Variants in KCNS3 observed in about 807,000 individuals in gnomAD.
KCNS3 encodes potassium voltage-gated channel modifier subfamily S member 3, also known as delayed-rectifier potassium channel regulatory subunit KCNS3.
In KCNS3, 13 loss-of-function variants were observed where a neutral mutation model predicts 31.0. The ratio of observed to expected loss-of-function variants is 0.42; its 90% CI spans 0.27 to 0.67. The LOEUF (loss-of-function observed/expected upper bound fraction) is 0.67, where lower values mean the gene tolerates loss of function less well. Among genes scored for constraint, KCNS3 ranks in the 30% least tolerant of loss-of-function variants. The pLI is 0.25. For missense variants in KCNS3, 545 were observed against 622.4 expected (o/e 0.88, Z 1.32); for synonymous variants, 238 against 241.5 (o/e 0.99, Z 0.13).
intron 1 of KCNS3, among the ~76,000 whole-genome samples, chr2:17,910,461 A>G (rs749453610): frequency 2.0e-5 from 3 of 152,088 alleles, no homozygotes; most frequent in Admixed American, 6.5e-5. Context: ...CCCTACTCTA[A>G]CTCTTAGGTG....
chr2:17,895,120 G>A (rs1661992580), intron 1 of KCNS3, among the ~76,000 whole-genome samples: 3 of 152,122 alleles, frequency 2.0e-5, no homozygotes, highest in South Asian at 2.1e-4. Flanking sequence ...GGATGTTTGT[G>A]AAGCATAAAC....
intron 1 of KCNS3, among the ~76,000 whole-genome samples, chr2:17,889,923 G>A (rs1661805428): frequency 2.0e-5 from 3 of 152,054 alleles, no homozygotes; most frequent in Non-Finnish European, 4.4e-5. Flanking sequence ...TTGGTATTAG[G>A]GTGATCCTTG....
At position 17,932,767 on chromosome 2, in the gene KCNS3, T is replaced by C. The variant is rs1663033791; in HGVS notation, c.*283T>C. ...TTGGGTGGGGTTTGTGGCTACAGCTTATGCATCATTCTGTGTTTGTCATTT... is the reference window on the plus strand; with the variant it reads ...TTGGGTGGGGTTTGTGGCTACAGCTCATGCATCATTCTGTGTTTGTCATTT... On this transcript the variant is annotated 3_prime_UTR_variant, in exon 3 of 3. Coordinates refer to ENST00000304101, the MANE Select transcript of KCNS3 (RefSeq NM_002252.5). 6.5e-6 allele frequency: 2 copies of C among 310,002 alleles called. No homozygotes were observed. Among genetic ancestry groups the C allele is most frequent in the Non-Finnish European group, 1.2e-5 (2 of 160,122 alleles). The allele number at this position is 310,002 out of a possible 1,614,324, so 19.2% of individuals were successfully genotyped here.
intron 1 of KCNS3, among the ~76,000 whole-genome samples, chr2:17,879,726 T>C (rs1674596670): frequency 6.6e-6 from 1 of 152,162 alleles, no homozygotes; most frequent in African/African-American, 2.4e-5. Context: ...GGAGCACCTT[T>C]TGCATTCTTG....
intron 2 of KCNS3, among the ~76,000 whole-genome samples, chr2:17,928,708 C>T (rs923129066): frequency 2.0e-5 from 3 of 151,134 alleles, no homozygotes; most frequent in African/African-American, 7.3e-5. Flanking sequence ...CTCTTGCAGA[C>T]AACCTTGCCT....
At chr2:17,884,563 G>A (rs1040250002) in intron 1 of KCNS3, among the ~76,000 whole-genome samples, 62 of 152,010 alleles carry the variant, frequency 4.1e-4, no homozygotes, top group African/African-American at 1.4e-3. Context: ...AAGTGAGATT[G>A]GCCTGGGTTG....
chr2:17,913,041 T>C (rs188193204), intron 1 of KCNS3, among the ~76,000 whole-genome samples: 31 of 152,360 alleles, frequency 2.0e-4, no homozygotes, highest in Admixed American at 1.8e-3. Context: ...TTGATTCTGA[T>C]TGCTTTGGAT....
Position 17,932,348 on chromosome 2 carries a change from G to A in KCNS3, c.1340G>A (p.Arg447Gln), listed in dbSNP as rs78213799. ...YFNIRDIYAQ[R>Q]MHTFITSLSS... Reference sequence around the variant, plus strand: ...AACATTAGGGATATATATGCACAGCGGATGCACACCTTCATTACCAGTCTC... The same window carrying A: ...AACATTAGGGATATATATGCACAGCAGATGCACACCTTCATTACCAGTCTC... Residue 447 changes from arginine to glutamine, a missense_variant, in exon 3 of 3, where the codon CGG (arginine) becomes CAG (glutamine). Transcript: ENST00000304101. The A allele has an allele frequency of 2.1e-4, 333 of 1,614,032 alleles. No homozygotes were observed. Among genetic ancestry groups the A allele is most frequent in the East Asian group, 5.8e-4 (26 of 44,876 alleles).
intron 1 of KCNS3, among the ~76,000 whole-genome samples, chr2:17,898,930 T>C (rs941146756): frequency 6.6e-6 from 1 of 151,976 alleles, no homozygotes; most frequent in African/African-American, 2.4e-5. Flanking sequence ...CAATACTTAG[T>C]GAAAAAATAA....
intron 1 of KCNS3, among the ~76,000 whole-genome samples, chr2:17,901,501 T>C (rs1485478048): frequency 6.6e-6 from 1 of 152,148 alleles, no homozygotes. Context: ...AGGGAAAATG[T>C]GGATGTGCTT....
rs560311752 is a variant in KCNS3, at chr2:17,904,152, T to G, written c.-251-13528T>G. Among the ~76,000 whole-genome samples, 3 of 152,378 alleles carry G rather than the reference T, an allele frequency of 2.0e-5. No homozygotes were observed. The South Asian group carries it at 6.2e-4, about 32-fold the overall frequency. On this transcript the variant is annotated intron_variant, in intron 1 of 2. Coordinates refer to ENST00000304101, the MANE Select transcript of KCNS3 (RefSeq NM_002252.5). ...CTGAACTTTTTAATGATTGCCATTG[T>G]AACTGGTGTGAGATGGTATCTCATT...
chr2:17,882,214 G>C (rs1470733257), intron 1 of KCNS3, among the ~76,000 whole-genome samples: 1 of 152,136 alleles, frequency 6.6e-6, no homozygotes. Flanking sequence ...AGTGAGACAA[G>C]ATAGAACAAT....
chr2:17,897,558 G>A (rs1372432212), intron 1 of KCNS3, among the ~76,000 whole-genome samples: 1 of 152,166 alleles, frequency 6.6e-6, no homozygotes, highest in Non-Finnish European at 1.5e-5. Flanking sequence ...CGGTGATGAT[G>A]AGCATTTTTT....
Position 17,931,405 on chromosome 2 carries a change from T to C in KCNS3, c.397T>C (p.Trp133Arg). 6.2e-7 allele frequency: 1 copy of C among 1,614,136 alleles called. No individual in the cohort carries two copies. The highest frequency in any genetic ancestry group is 8.5e-7 in the Non-Finnish European group (1 of 1,180,002). Residue 133 changes from tryptophan to arginine, a missense_variant, in exon 3 of 3, where the codon TGG becomes CGG. Trp to Arg is a moderately radical substitution (Grantham distance 101). Transcript: ENST00000304101. The surrounding 1 kb of genome is among the most constrained non-coding windows in gnomAD (Gnocchi z 5.4). ...ERKEENHEKD[W>R]DQKSHDVSTD... ...CAAGGAGGAAAACCACGAGAAGGAC[T>C]GGGACCAGAAAAGCCATGATGTGAG...
chr2:17,907,158 A>T (rs1027305234), intron 1 of KCNS3, among the ~76,000 whole-genome samples: 28 of 151,886 alleles, frequency 1.8e-4, no homozygotes, highest in Admixed American at 1.4e-3. Context: ...TTGGGTGCAT[A>T]TATATTTAAG....
In KCNS3 at chr2:17,931,193, T is replaced by C; in HGVS notation, c.185T>C (p.Val62Ala). The C allele has an allele frequency of 6.2e-7, 1 of 1,614,104 alleles. No individual in the cohort carries two copies. Among genetic ancestry groups the C allele is most frequent in the Non-Finnish European group, 8.5e-7 (1 of 1,180,000 alleles). ...AILELCDDYS[V>A]ADKEYYFDRN... is the part of the protein sequence containing the mutation. ...CTGGAGCTGTGTGATGATTACAGTGTGGCCGATAAGGAGTACTACTTTGAT... is the reference window on the plus strand; with the variant it reads ...CTGGAGCTGTGTGATGATTACAGTGCGGCCGATAAGGAGTACTACTTTGAT... The change falls in exon 3 of 3, where the codon GTG (valine) becomes GCG (alanine). Residue 62 changes from valine to alanine, a missense_variant. Transcript: ENST00000304101. This position sits in a 1 kb window ranked among gnomAD's most constrained non-coding sequence, Gnocchi z 5.4.
chr2:17,888,317 T>C (rs1039389355), intron 1 of KCNS3, among the ~76,000 whole-genome samples: 2 of 152,096 alleles, frequency 1.3e-5, no homozygotes, highest in African/African-American at 4.8e-5. Flanking sequence ...ATTGTTCCAA[T>C]GCTATCTTCT....
At chr2:17,930,833 A>G in intron 2 of KCNS3, 117 bp from the exon 3 acceptor site, 1 of 601,184 alleles carries the variant, frequency 1.7e-6, no homozygotes, top group Non-Finnish European at 2.8e-6. Flanking sequence ...ATTCATTTTT[A>G]TTGCATTTCC....
chr2:17,920,669 GGGA>G (rs1357789998), intron 2 of KCNS3, among the ~76,000 whole-genome samples: 1 of 152,180 alleles, frequency 6.6e-6, no homozygotes, highest in African/African-American at 2.4e-5. Flanking sequence ...GTTGATAGTA[GGGA>G]GGAGAATCAA....
Sources: allele counts gnomAD v4.1 joint callset (sites outside exome capture counted in the v4.1 genomes callset), GRCh38; gene constraint gnomAD v4.1.1; non-coding constraint Gnocchi (gnomAD v3.1); transcripts MANE v1.5; gene names NCBI Gene and HGNC (gene_info 2026-07-23, HGNC 2026-07-21).